SPAG7: variants seen among roughly 807,000 people sequenced by gnomAD.
SPAG7 encodes the protein sperm associated antigen 7.
Under a neutral mutation model 30.6 loss-of-function variants are expected in SPAG7, and 20 were observed. That is an observed-to-expected ratio of 0.65 (90% CI 0.46 to 0.95). SPAG7 has a LOEUF of 0.95. Ranked by LOEUF, SPAG7 falls within the 40% of genes least tolerant of loss-of-function variation. The pLI, the probability that SPAG7 is intolerant of heterozygous loss-of-function variation, is 0.00. For missense variants in SPAG7, 276 were observed against 291.1 expected, an observed-to-expected ratio of 0.95 and a Z score of 0.38; for synonymous variants, 127 against 104.2, an observed-to-expected ratio of 1.22 and a Z score of -1.33.
intron 1 of SPAG7, among the ~76,000 whole-genome samples, chr17:4,962,639 T>C (rs1971881714): frequency 6.6e-6 from 1 of 151,922 alleles, no homozygotes; most frequent in African/African-American, 2.4e-5. Context: ...GGATGGTATT[T>C]TTATTTTATT....
At chr17:4,963,515 G>GT (rs1265556961) in intron 1 of SPAG7, among the ~76,000 whole-genome samples, 2 of 143,146 alleles carry the variant, frequency 1.4e-5, no homozygotes, top group Non-Finnish European at 3.0e-5. Context: ...CTGGAGTGCA[G>GT]TGGCACGATC....
At chr17:4,967,047 G>T in intron 1 of SPAG7, 1 of 985,714 alleles carries the variant, frequency 1.0e-6, no homozygotes, top group South Asian at 4.7e-5. Flanking sequence ...CACCCGCAGG[G>T]AAGCTACTCC....
chr17:4,964,301 C>T (rs1488575936), intron 1 of SPAG7, among the ~76,000 whole-genome samples: 3 of 151,818 alleles, frequency 2.0e-5, no homozygotes, highest in Non-Finnish European at 4.4e-5. Context: ...CTTCTTCCTA[C>T]TCCTGCTCCT....
rs1181725382 is a variant in SPAG7, at chr17:4,960,549, T to C, written c.154-2A>G. On this transcript the variant is annotated splice_acceptor_variant, in intron 2 of 6. Coordinates refer to ENST00000206020, the MANE Select transcript of SPAG7 (RefSeq NM_004890.3). LOFTEE classifies it high-confidence loss of function. ...GAAATCTGACACCTCCTTCTCCATC[T>C]TGGGAGAGGGGAAAGGAAGCAGATA... 6.2e-7 allele frequency: 1 copy of C among 1,602,720 alleles called. No homozygotes were observed. The highest frequency in any genetic ancestry group is 8.5e-7 in the Non-Finnish European group (1 of 1,174,342).
At chr17:4,963,316 A>G (rs1243096340) in intron 1 of SPAG7, among the ~76,000 whole-genome samples, 1 of 152,068 alleles carries the variant, frequency 6.6e-6, no homozygotes, top group Non-Finnish European at 1.5e-5. Flanking sequence ...TGAGCCTGAG[A>G]GGTCTAGGTG....
rs758623548 is a variant in SPAG7, at chr17:4,960,560, G to A, written c.154-13C>T. The A allele has an allele frequency of 6.3e-7, 1 of 1,595,464 alleles. No homozygotes were observed. Among genetic ancestry groups the A allele is most frequent in the African/African-American group, 1.4e-5 (1 of 74,060 alleles). On this transcript the variant is annotated splice_polypyrimidine_tract_variant and intron_variant, in intron 2 of 6. Coordinates refer to ENST00000206020, the MANE Select transcript of SPAG7 (RefSeq NM_004890.3). ...CCTCCTTCTCCATCTTGGGAGAGGG[G>A]AAAGGAAGCAGATATGAGACAATGG...
chr17:4,965,089 T>C (rs889701931), intron 1 of SPAG7, among the ~76,000 whole-genome samples: 3 of 152,188 alleles, frequency 2.0e-5, no homozygotes, highest in Non-Finnish European at 2.9e-5. Flanking sequence ...TTTTCATTTT[T>C]AGTAGAGATG....
At chr17:4,962,170 G>A (rs1201811105) in intron 1 of SPAG7, among the ~76,000 whole-genome samples, 2 of 151,712 alleles carry the variant, frequency 1.3e-5, no homozygotes, top group Non-Finnish European at 2.9e-5. Flanking sequence ...CTGGAGTGCA[G>A]TGGCATGAGC....
At chr17:4,964,793 T>G (rs1342397192) in intron 1 of SPAG7, among the ~76,000 whole-genome samples, 2 of 152,070 alleles carry the variant, frequency 1.3e-5, no homozygotes, top group Non-Finnish European at 2.9e-5. Context: ...TGGAGTGCAG[T>G]GGCGCGATCT....
In SPAG7 at chr17:4,967,408, C is replaced by T. The variant is rs149893923; in HGVS notation, c.85+312G>A. Among the ~76,000 whole-genome samples the T allele has an allele frequency of 1.3e-4, 20 of 152,290 alleles. 1 individual carries two copies. The East Asian group carries it at 3.9e-3, about 29-fold the overall frequency. On this transcript the variant is annotated intron_variant, in intron 1 of 6. Coordinates refer to ENST00000206020, the MANE Select transcript of SPAG7 (RefSeq NM_004890.3). ...AGAGGTGAGCGGGGCAGGAATGCGG[C>T]AGGTTGGAGGCACCCTACCAATCAG...
intron 3 of SPAG7, 33 bp downstream of exon 3, chr17:4,960,426 A>G (rs1467336502): frequency 6.2e-7 from 1 of 1,601,530 alleles, no homozygotes; most frequent in Non-Finnish European, 8.6e-7. Flanking sequence ...CTAGCCACCC[A>G]TTTCCTTCCT....
intron 3 of SPAG7, 42 bp downstream of exon 3, chr17:4,960,417 T>G (rs763156470): frequency 6.3e-7 from 1 of 1,597,324 alleles, no homozygotes; most frequent in Non-Finnish European, 8.6e-7. Flanking sequence ...CATGCCCCGC[T>G]AGCCACCCAT....
Position 4,959,815 on chromosome 17 carries a change from C to A in SPAG7, c.519G>T (p.Lys173Asn), listed in dbSNP as rs1412246478. ...TGTGGGCTGCGTCTTTGGCTGCTCC[C>A]TTGCCGATGAGGTGGCTGTACTTGT... ...YKDKYSHLIGKGAAKDAAHML... is the reference protein window; with the variant it reads ...YKDKYSHLIGNGAAKDAAHML... The change falls in exon 6 of 7, where the codon AAG becomes AAT. Residue 173 changes from lysine to asparagine, a missense_variant. Transcript: ENST00000206020. 2 of 1,614,192 alleles carry A rather than the reference C, an allele frequency of 1.2e-6. No individual in the cohort carries two copies. The highest frequency in any genetic ancestry group is 3.3e-5 in the Admixed American group (2 of 60,026).
chr17:4,966,656 C>T (rs1215173101), intron 1 of SPAG7: 2 of 985,368 alleles, frequency 2.0e-6, no homozygotes, highest in Admixed American at 6.1e-5. Context: ...GGTGGCCGCT[C>T]TCACAGTTAT....
In SPAG7 at chr17:4,959,490, C is replaced by A. The variant is rs772385520; in HGVS notation, c.*44G>T. On this transcript the variant is annotated 3_prime_UTR_variant, in exon 7 of 7. Transcript: ENST00000206020. ...ATAGCAGCAGCCTTGTCTCTCCCTG[C>A]CCCCTGCCCTGCCCCAGGGGTCAAA... The A allele has an allele frequency of 2.8e-5, 42 of 1,496,686 alleles. No individual in the cohort carries two copies. The highest frequency in any genetic ancestry group is 1.0e-5 in the Non-Finnish European group (11 of 1,081,070). 92.7% of individuals were successfully genotyped at this position (1,496,686 alleles called of 1,614,324 possible).
intron 1 of SPAG7, among the ~76,000 whole-genome samples, chr17:4,963,145 T>A (rs1231365352): frequency 1.3e-5 from 2 of 151,966 alleles, no homozygotes; most frequent in African/African-American, 4.8e-5. Context: ...GTAATCCCAG[T>A]ACTTTGGAAG....
chr17:4,961,255 G>A (rs562997224), intron 1 of SPAG7, among the ~76,000 whole-genome samples: 8 of 152,114 alleles, frequency 5.3e-5, no homozygotes, highest in Middle Eastern at 3.4e-3. Context: ...TCAGGAGTTC[G>A]AGACCAGCCT....
In SPAG7 at chr17:4,967,750, C is replaced by G. The variant is rs545945620; in HGVS notation, c.55G>C (p.Gly19Arg). The G allele has an allele frequency of 6.2e-7, 1 of 1,613,976 alleles. No homozygotes were observed. Among genetic ancestry groups the G allele is most frequent in the African/African-American group, 1.3e-5 (1 of 74,926 alleles). The change falls in exon 1 of 7, where the codon GGT becomes CGT. Residue 19 changes from glycine to arginine, a missense_variant. Coordinates refer to ENST00000206020, the MANE Select transcript of SPAG7 (RefSeq NM_004890.3). Reference sequence around the variant, plus strand: ...GCCTTGCGCCGAGTCTCCTGGTCACCGAGGCTGGGTGGCTTCTCCATGGAG... The same window carrying G: ...GCCTTGCGCCGAGTCTCCTGGTCACGGAGGCTGGGTGGCTTCTCCATGGAG... ...LSSMEKPPSL[G>R]DQETRRKARE... is the part of the protein sequence containing the mutation.
chr17:4,967,016 G>A (rs1271771759), intron 1 of SPAG7: 1 of 985,688 alleles, frequency 1.0e-6, no homozygotes, highest in Non-Finnish European at 1.2e-6. Flanking sequence ...CGCGCCCTAC[G>A]CCGGCCGCCG....
Sources: allele counts gnomAD v4.1 joint callset (sites outside exome capture counted in the v4.1 genomes callset), GRCh38; gene constraint gnomAD v4.1.1; transcripts MANE v1.5; gene names NCBI Gene and HGNC (gene_info 2026-07-23, HGNC 2026-07-21).